The following SNTG1 variants were observed in gnomAD, a reference collection of about 807,000 sequenced individuals.
SNTG1 encodes syntrophin gamma 1.
A neutral mutation model predicts 74.7 loss-of-function variants in SNTG1; 39 were observed. The observed-to-expected ratio is 0.52, with a 90% CI of 0.40 to 0.68. SNTG1 has a LOEUF of 0.68. SNTG1 is among the 30% of genes least tolerant of loss of function. The pLI is 0.00. For missense variants in SNTG1, 685 were observed against 609.5 expected (o/e 1.12, Z -1.30); for synonymous variants, 254 against 217.1 (o/e 1.17, Z -1.49).
chr8:50,597,271 G>A (rs1054237845), intron 13 of SNTG1, among the ~76,000 whole-genome samples: 23 of 145,900 alleles, frequency 1.6e-4, no homozygotes, highest in Non-Finnish European at 3.5e-4. Context: ...TAGCTGCAGA[G>A]AATATATACA....
At chr8:50,652,262 C>G (rs1185727074) in intron 13 of SNTG1, among the ~76,000 whole-genome samples, 1 of 152,050 alleles carries the variant, frequency 6.6e-6, no homozygotes, top group Non-Finnish European at 1.5e-5. Context: ...GTAATCACTT[C>G]TTGTCATTTC....
In SNTG1 at chr8:50,120,757, C is replaced by CA. The variant is rs1439988598; in HGVS notation, c.-102-51803dup. On this transcript the variant is annotated intron_variant, in intron 1 of 18. Transcript: ENST00000642720. ...TTAGGTGATCACATTTTAATGTCCACATTCTGTTTTTATTTTTGGGCCTCA... is the reference window on the plus strand; with the variant it reads ...TTAGGTGATCACATTTTAATGTCCACAATTCTGTTTTTATTTTTGGGCCTCA... Among the ~76,000 whole-genome samples, 3 of 142,550 alleles carry CA rather than the reference C, an allele frequency of 2.1e-5. No homozygotes were observed. In the East Asian group the frequency reaches 6.0e-4, roughly 29 times the overall value. 93.5% of individuals were successfully genotyped at this position (142,550 alleles called of 152,430 possible).
At chr8:50,073,465 CATGAGGCTTGGAATCT>C (rs896812013) in intron 1 of SNTG1, among the ~76,000 whole-genome samples, 1 of 152,152 alleles carries the variant, frequency 6.6e-6, no homozygotes, top group African/African-American at 2.4e-5. Context: ...TCAAAGTCAT[CATGAGGCTTGGAATCT>C]ACTTCTTCCA....
chr8:50,478,113 C>T (rs1224650229), intron 8 of SNTG1, among the ~76,000 whole-genome samples: 1 of 152,158 alleles, frequency 6.6e-6, no homozygotes, highest in Admixed American at 6.6e-5. Context: ...ATAATCCTCT[C>T]TACTTTCATA....
In SNTG1 at chr8:50,381,420, A is replaced by G. The variant is rs1380606822; in HGVS notation, c.-27-12792A>G. Among the ~76,000 whole-genome samples, 4 of 151,326 alleles carry G rather than the reference A, an allele frequency of 2.6e-5. No homozygotes were observed. The East Asian group carries it at 7.7e-4, about 29-fold the overall frequency. On this transcript the variant is annotated intron_variant, in intron 2 of 18. Transcript: ENST00000642720. Reference sequence around the variant, plus strand: ...ATATCTGAATAAGAAAAAAAGTAATATGGGAAGATGAATGTGTCTCCAGAG... The same window carrying G: ...ATATCTGAATAAGAAAAAAAGTAATGTGGGAAGATGAATGTGTCTCCAGAG...
chr8:50,275,423 C>A (rs965561212), intron 2 of SNTG1, among the ~76,000 whole-genome samples: 19 of 151,814 alleles, frequency 1.3e-4, no homozygotes, highest in African/African-American at 3.4e-4. Flanking sequence ...CATGATATTT[C>A]TTTTCCTCTT....
chr8:50,391,433 G>C (rs1228828272), intron 2 of SNTG1, among the ~76,000 whole-genome samples: 3 of 152,154 alleles, frequency 2.0e-5, no homozygotes, highest in Non-Finnish European at 4.4e-5. Context: ...ACTTGATCAT[G>C]GTGGATAAGC....
chr8:50,533,634 A>G (rs1454648631), intron 10 of SNTG1, among the ~76,000 whole-genome samples: 1 of 152,218 alleles, frequency 6.6e-6, no homozygotes, highest in Non-Finnish European at 1.5e-5. Flanking sequence ...ATAAGTAAGG[A>G]GAAAAATTCT....
intron 2 of SNTG1, among the ~76,000 whole-genome samples, chr8:50,241,493 C>A (rs912809578): frequency 6.6e-6 from 1 of 152,128 alleles, no homozygotes; most frequent in Non-Finnish European, 1.5e-5. Context: ...TGAAGCTATG[C>A]AATATTTCTA....
rs144524112 is a variant in SNTG1, at chr8:50,794,050, A to T, written c.*1221A>T. 5.3e-5 allele frequency: 8 copies of T among 151,948 alleles called. No homozygotes were observed. Among genetic ancestry groups the T allele is most frequent in the Non-Finnish European group, 1.2e-4 (8 of 67,860 alleles). 9.4% of individuals were successfully genotyped at this position (151,948 alleles called of 1,614,324 possible). A position where few individuals can be genotyped will look rare whatever the true frequency, so the allele number is the denominator to read the frequency against. ...CCAGGTATTATTCAACTAGTTGTAT[A>T]ACATGGAACACAGTCTCTGTCCTTC... On this transcript the variant is annotated 3_prime_UTR_variant, in exon 19 of 19. Transcript: ENST00000642720.
At chr8:50,164,092 C>CTTTTTTTT (rs3086088) in intron 1 of SNTG1, 26 of 71,996 alleles carry the variant, frequency 3.6e-4, no homozygotes, top group East Asian at 5.8e-4. Flanking sequence ...GACACAATTT[C>CTTTTTTTT]TTTTTTTTTT....
chr8:50,103,525 C>T (rs946557332), intron 1 of SNTG1, among the ~76,000 whole-genome samples: 10 of 152,284 alleles, frequency 6.6e-5, no homozygotes, highest in African/African-American at 1.9e-4. Context: ...ATTTGACTTC[C>T]TCTTTTCGTA....
chr8:50,477,694 A>G (rs1358069772), intron 8 of SNTG1, among the ~76,000 whole-genome samples: 1 of 152,192 alleles, frequency 6.6e-6, no homozygotes, highest in African/African-American at 2.4e-5. Flanking sequence ...CAAGTGTACC[A>G]TAGTAATGAA....
chr8:50,383,084 C>T (rs910754775), intron 2 of SNTG1, among the ~76,000 whole-genome samples: 7 of 152,170 alleles, frequency 4.6e-5, no homozygotes, highest in East Asian at 1.9e-4. Flanking sequence ...TAGATTAATG[C>T]GCAATTAAAT....
At chr8:49,925,505 C>T (rs1273194108) in intron 1 of SNTG1, among the ~76,000 whole-genome samples, 2 of 151,998 alleles carry the variant, frequency 1.3e-5, no homozygotes, top group Non-Finnish European at 2.9e-5. Context: ...TGTGGTTTAT[C>T]CCATACATAG....
chr8:50,018,057 T>A (rs1366752069), intron 1 of SNTG1, among the ~76,000 whole-genome samples: 1 of 151,948 alleles, frequency 6.6e-6, no homozygotes, highest in Non-Finnish European at 1.5e-5. Flanking sequence ...TGTCCATCAA[T>A]CATAAGACTT....
chr8:50,628,367 A>T (rs555248691), intron 13 of SNTG1, among the ~76,000 whole-genome samples: 1 of 152,246 alleles, frequency 6.6e-6, no homozygotes, highest in South Asian at 2.1e-4. Flanking sequence ...GGTAGATGCA[A>T]ATCATCTTAT....
chr8:50,512,014 T>C (rs187623885), intron 9 of SNTG1, among the ~76,000 whole-genome samples: 94 of 152,292 alleles, frequency 6.2e-4, no homozygotes, highest in Admixed American at 1.1e-3. Context: ...CTAGCCTCGA[T>C]GGTCTTTACA....
chr8:50,490,618 C>G (rs1407775027), intron 8 of SNTG1, among the ~76,000 whole-genome samples: 3 of 152,188 alleles, frequency 2.0e-5, no homozygotes, highest in Admixed American at 6.5e-5. Flanking sequence ...TTGAAAGCAA[C>G]AAAAATTGTC....
Sources: gnomAD v4.1 joint callset for allele counts (sites outside exome capture counted in the v4.1 genomes callset) on GRCh38, gnomAD v4.1.1 for gene constraint, MANE v1.5 for transcripts, NCBI Gene and HGNC (gene_info 2026-07-23, HGNC 2026-07-21) for gene names.